The following ZNF76 variants were observed in gnomAD, a reference collection of about 807,000 sequenced individuals.
The protein encoded by ZNF76 is zinc finger protein 76.
A neutral mutation model predicts 66.9 loss-of-function variants in ZNF76; 66 were observed. That is an observed-to-expected ratio of 0.99 (90% confidence interval 0.81 to 1.21). The LOEUF (loss-of-function observed/expected upper bound fraction) is 1.21, where lower values mean the gene tolerates loss of function less well. Among genes scored for constraint, ZNF76 ranks in the 50% most tolerant of loss-of-function variants. The probability of loss-of-function intolerance (pLI) is 0.00; values close to 1 mark genes in which losing one functional copy is unlikely to be tolerated. For missense variants in ZNF76, 729 were observed against 760.3 expected, an observed-to-expected ratio of 0.96 and a Z score of 0.48; for synonymous variants, 275 against 296.1, an observed-to-expected ratio of 0.93 and a Z score of 0.73.
intron 5 of ZNF76, among the ~76,000 whole-genome samples, chr6:35,289,810 A>G (rs6906117): frequency 0.05 from 7,582 of 152,072 alleles, 601 homozygotes; most frequent in African/African-American, 0.17. Context: ...CCCCTTGTTT[A>G]TGTACTTTTA....
chr6:35,295,332 CT>C lies in ZNF76; in HGVS notation c.*85del, dbSNP rs1791044959. 8.1e-7 allele frequency: 1 copy of C among 1,229,222 alleles called. No homozygotes were observed. Among genetic ancestry groups the C allele is most frequent in the African/African-American group, 1.5e-5 (1 of 67,090 alleles). The allele number at this position is 1,229,222 out of a possible 1,614,324, so 76.1% of individuals were successfully genotyped here. A position where few individuals can be genotyped will look rare whatever the true frequency, so the allele number is the denominator to read the frequency against. On this transcript the variant is annotated 3_prime_UTR_variant, in exon 14 of 14. Transcript: ENST00000373953. Reference sequence around the variant, plus strand: ...TTGCCCCCAAGGGCCCAGGCTGTGGCTGACACATAGAAGGTGGCCACATAGG... The same window carrying C: ...TTGCCCCCAAGGGCCCAGGCTGTGGCGACACATAGAAGGTGGCCACATAGG...
chr6:35,280,199 T>C (rs940965029), intron 1 of ZNF76, among the ~76,000 whole-genome samples: 3 of 151,206 alleles, frequency 2.0e-5, no homozygotes, highest in African/African-American at 7.3e-5. Flanking sequence ...GGAAGAGAGC[T>C]TTTTTTTTAA....
chr6:35,261,598 A>C (rs903403266), intron 1 of ZNF76, among the ~76,000 whole-genome samples: 1 of 152,200 alleles, frequency 6.6e-6, no homozygotes, highest in Non-Finnish European at 1.5e-5. Flanking sequence ...CCACAGTTTA[A>C]AAAAACAAAA....
At chr6:35,281,326 CT>C in intron 2 of ZNF76, 102 bp downstream of exon 2, 1 of 1,073,300 alleles carries the variant, frequency 9.3e-7, no homozygotes, top group Non-Finnish European at 1.4e-6. Flanking sequence ...CTCCCGCCTG[CT>C]TACCCTTGCC....
chr6:35,290,737 C>T, intron 7 of ZNF76, 21 bp downstream of exon 7: 2 of 1,613,228 alleles, frequency 1.2e-6, no homozygotes, highest in East Asian at 2.2e-5. Flanking sequence ...TGGTGGGCTG[C>T]TTCCAGTTGA....
intron 1 of ZNF76, among the ~76,000 whole-genome samples, chr6:35,267,726 G>A (rs1786369972): frequency 6.6e-6 from 1 of 152,214 alleles, no homozygotes; most frequent in African/African-American, 2.4e-5. Flanking sequence ...ACATGGGGCT[G>A]GAGTGTGACA....
At chr6:35,291,080 G>A (rs1790305213) in intron 7 of ZNF76, 198 bp from the exon 8 acceptor site, 12 of 647,712 alleles carry the variant, frequency 1.9e-5, no homozygotes, top group Admixed American at 2.9e-5. Flanking sequence ...TCATGTTCTG[G>A]TATGGCTCCA....
At chr6:35,267,249 A>G (rs1034542735) in intron 1 of ZNF76, among the ~76,000 whole-genome samples, 1 of 152,106 alleles carries the variant, frequency 6.6e-6, no homozygotes, top group Non-Finnish European at 1.5e-5. Context: ...AGAGATGGGC[A>G]CCACCACGCC....
chr6:35,276,092 G>A (rs935653264), intron 1 of ZNF76, among the ~76,000 whole-genome samples: 2 of 152,126 alleles, frequency 1.3e-5, no homozygotes, highest in African/African-American at 4.8e-5. Context: ...TGTAAAATGG[G>A]TATAATATAC....
chr6:35,279,363 A>C (rs556069169), intron 1 of ZNF76: 10 of 149,184 alleles, frequency 6.7e-5, no homozygotes, highest in African/African-American at 2.6e-4. Flanking sequence ...TTATACATGT[A>C]AGTACATCTC....
At chr6:35,270,984 A>G (rs1227702199) in intron 1 of ZNF76, among the ~76,000 whole-genome samples, 2 of 133,598 alleles carry the variant, frequency 1.5e-5, no homozygotes, top group Non-Finnish European at 3.4e-5. Context: ...TTCGTCTCAT[A>G]AATAAATAAA....
At position 35,286,319 on chromosome 6, in the gene ZNF76, C is replaced by G. The variant is rs367622381; in HGVS notation, c.155-3C>G. The G allele has an allele frequency of 1.2e-6, 2 of 1,614,086 alleles. No individual in the cohort carries two copies. The highest frequency in any genetic ancestry group is 1.7e-6 in the Non-Finnish European group (2 of 1,180,024). On this transcript the variant is annotated splice_region_variant and splice_polypyrimidine_tract_variant and intron_variant, in intron 3 of 13. Coordinates refer to ENST00000373953, the MANE Select transcript of ZNF76 (RefSeq NM_003427.5). ...GGAAAGGCAGGCATTGCTCTCGTTA[C>G]AGAAGCTCTCTCCTTTGAGGATGGT... is the stretch of plus-strand genomic sequence containing the variant.
chr6:35,262,084 C>T (rs1785339099), intron 1 of ZNF76, among the ~76,000 whole-genome samples: 1 of 152,064 alleles, frequency 6.6e-6, no homozygotes, highest in South Asian at 2.1e-4. Context: ...TATTTTTATA[C>T]TAGATCTGAT....
chr6:35,277,534 C>T (rs1788097180), intron 1 of ZNF76, among the ~76,000 whole-genome samples: 1 of 152,210 alleles, frequency 6.6e-6, no homozygotes, highest in Non-Finnish European at 1.5e-5. Context: ...AGGGTGAAAT[C>T]CTCCTTTACT....
Position 35,294,892 on chromosome 6 carries a change from A to G in ZNF76, c.1609-252A>G, listed in dbSNP as rs1790962523. 5 of 575,994 alleles carry G rather than the reference A, an allele frequency of 8.7e-6. No individual in the cohort carries two copies. The East Asian group carries it at 1.2e-4, about 13-fold the overall frequency. The allele number at this position is 575,994 out of a possible 1,614,324, so 35.7% of individuals were successfully genotyped here. A position where few individuals can be genotyped will look rare whatever the true frequency, so the allele number is the denominator to read the frequency against. On this transcript the variant is annotated intron_variant, in intron 13 of 13. Coordinates refer to ENST00000373953, the MANE Select transcript of ZNF76 (RefSeq NM_003427.5). ...GTAGATGATCACCACGGTTCTCTTC[A>G]GCCAGTCCTTCCTCCGTGAGCAAGT...
intron 1 of ZNF76, among the ~76,000 whole-genome samples, chr6:35,260,760 C>A (rs1395525316): frequency 6.6e-6 from 1 of 152,144 alleles, no homozygotes; most frequent in Non-Finnish European, 1.5e-5. Context: ...GTTAGATGAT[C>A]TTTGAGTTTC....
chr6:35,267,217 C>T (rs1286495322), intron 1 of ZNF76, among the ~76,000 whole-genome samples: 1 of 152,132 alleles, frequency 6.6e-6, no homozygotes, highest in Admixed American at 6.5e-5. Context: ...CCCATGTCAG[C>T]CTCCTGAGTA....
intron 1 of ZNF76, chr6:35,279,369 A>C (rs1562106924): frequency 9.7e-6 from 1 of 102,746 alleles, no homozygotes; most frequent in Admixed American, 1.2e-4. Context: ...ATGTAAGTAC[A>C]TCTCTTGCCT....
At chr6:35,294,694 C>A in intron 13 of ZNF76, 125 bp downstream of exon 13, 1 of 743,064 alleles carries the variant, frequency 1.3e-6, no homozygotes, top group Non-Finnish European at 2.4e-6. Context: ...TTTCAGAGGA[C>A]AGATCCCTTT....
Sources: gnomAD v4.1 joint callset for allele counts (sites outside exome capture counted in the v4.1 genomes callset) on GRCh38, gnomAD v4.1.1 for gene constraint, MANE v1.5 for transcripts, NCBI Gene and HGNC (gene_info 2026-07-23, HGNC 2026-07-21) for gene names.